The following GREB1L variants were observed in gnomAD, a reference collection of about 807,000 sequenced individuals.
GREB1L encodes the protein GREB1 like retinoic acid receptor coactivator.
In GREB1L, 17 loss-of-function variants were observed where a neutral mutation model predicts 200.8. The ratio of observed to expected loss-of-function variants is 0.08; its 90% CI spans 0.06 to 0.13. The LOEUF is 0.13. GREB1L is among the 10% of genes least tolerant of loss of function. The pLI is 1.00. For synonymous variants in GREB1L, 789 were observed against 893.0 expected (o/e 0.88, Z 2.08); for missense variants, 1,657 against 2,367.7 (o/e 0.70, Z 6.23).
chr18:21,508,866 T>C (rs1239574752), intron 27 of GREB1L, among the ~76,000 whole-genome samples: 1 of 152,182 alleles, frequency 6.6e-6, no homozygotes, highest in Non-Finnish European at 1.5e-5. Flanking sequence ...TTTGGGATTC[T>C]TCCCCATGTA....
chr18:21,406,651 A>G (rs1249063226), intron 7 of GREB1L, among the ~76,000 whole-genome samples: 2 of 152,170 alleles, frequency 1.3e-5, no homozygotes, highest in African/African-American at 4.8e-5. Flanking sequence ...TCACCTTTCT[A>G]TAGGAGATTG....
In GREB1L at chr18:21,414,764, G is replaced by C. The variant is rs542447979; in HGVS notation, c.832+10770G>C. ...ACAAAGGGAGAACACCACGGTTATAGAATCAGTAGCAGATCAGCTCAACAT... is the reference window on the plus strand; with the variant it reads ...ACAAAGGGAGAACACCACGGTTATACAATCAGTAGCAGATCAGCTCAACAT... On this transcript the variant is annotated intron_variant, in intron 7 of 32. Coordinates refer to ENST00000424526, the MANE Select transcript of GREB1L (RefSeq NM_001142966.3). Among the ~76,000 whole-genome samples, 24 of 152,266 alleles carry C rather than the reference G, an allele frequency of 1.6e-4. No homozygotes were observed. In the South Asian group the frequency reaches 2.3e-3, roughly 14 times the overall value.
At chr18:21,306,558 T>C (rs1466950378) in intron 1 of GREB1L, among the ~76,000 whole-genome samples, 1 of 152,144 alleles carries the variant, frequency 6.6e-6, no homozygotes, top group Admixed American at 6.6e-5. Context: ...CAGATAAGAG[T>C]CTGAAATCGT....
Position 21,449,655 on chromosome 18 carries a change from A to C in GREB1L, c.1539A>C (p.Leu513Phe). ...GACAACTCCCCTGGCTTGCTAGATT[A>C]ATTGCCAGCGTATCTCAAGACTTGG... is the stretch of plus-strand genomic sequence containing the variant. ...SPGQLPWLARLIASVSQDLVH... is the reference protein window; with the variant it reads ...SPGQLPWLARFIASVSQDLVH... Residue 513 changes from leucine to phenylalanine, a missense_variant, in exon 12 of 33, where the codon TTA (leucine) becomes TTC (phenylalanine). Coordinates refer to ENST00000424526, the MANE Select transcript of GREB1L (RefSeq NM_001142966.3). 6.4e-7 allele frequency: 1 copy of C among 1,551,674 alleles called. No individual in the cohort carries two copies. Among genetic ancestry groups the C allele is most frequent in the South Asian group, 1.2e-5 (1 of 84,058 alleles).
intron 1 of GREB1L, among the ~76,000 whole-genome samples, chr18:21,260,689 A>AT (rs371509526): frequency 2.0e-5 from 3 of 151,820 alleles, no homozygotes; most frequent in Admixed American, 6.6e-5. Flanking sequence ...AAATAGTTGT[A>AT]TGACTGATTA....
intron 11 of GREB1L, among the ~76,000 whole-genome samples, chr18:21,447,909 A>T (rs1027436913): frequency 3.3e-5 from 5 of 152,064 alleles, no homozygotes; most frequent in Admixed American, 1.3e-4. Flanking sequence ...CACACCTGTA[A>T]TCCCAACACT....
In GREB1L at chr18:21,500,135, C is replaced by T; in HGVS notation, c.3798C>T (p.Ser1266=). The change falls in exon 22 of 33, where the codon AGC becomes AGT. Residue 1266 remains serine (S), a synonymous_variant. Coordinates refer to ENST00000424526, the MANE Select transcript of GREB1L (RefSeq NM_001142966.3). ...CCCACGCCGACGTGGCCTGGGTGAG[C>T]TCCCTGCGGCCACTCCTGAACAAGG... ...LLPHADVAWV[S]SLRPLLNKDM... 1.3e-6 allele frequency: 2 copies of T among 1,551,634 alleles called. No homozygotes were observed. The highest frequency in any genetic ancestry group is 1.2e-5 in the South Asian group (1 of 84,066).
chr18:21,286,250 T>C (rs1244871440), intron 1 of GREB1L, among the ~76,000 whole-genome samples: 3 of 152,166 alleles, frequency 2.0e-5, no homozygotes, highest in Admixed American at 1.3e-4. Flanking sequence ...ATTACCTGTA[T>C]GTGAAGTTGA....
At chr18:21,400,401 A>T (rs1295871923) in intron 5 of GREB1L, among the ~76,000 whole-genome samples, 2 of 152,214 alleles carry the variant, frequency 1.3e-5, no homozygotes, top group Non-Finnish European at 2.9e-5. Context: ...AAGGGGAAAT[A>T]GGAATCTCAT....
intron 4 of GREB1L, among the ~76,000 whole-genome samples, chr18:21,390,385 C>A (rs2040747441): frequency 6.6e-6 from 1 of 152,032 alleles, no homozygotes; most frequent in Non-Finnish European, 1.5e-5. Context: ...AGATGACCCT[C>A]CAAGCATGTT....
intron 2 of GREB1L, among the ~76,000 whole-genome samples, chr18:21,378,836 T>C (rs2040184086): frequency 6.6e-6 from 1 of 152,096 alleles, no homozygotes; most frequent in African/African-American, 2.4e-5. Context: ...TCTGTAATGG[T>C]GAAACTCCAT....
At chr18:21,471,821 A>G (rs891555095) in intron 15 of GREB1L, among the ~76,000 whole-genome samples, 4 of 152,044 alleles carry the variant, frequency 2.6e-5, no homozygotes, top group South Asian at 4.1e-4. Context: ...AGGTCTCACT[A>G]TGTTGCCCAA....
intron 7 of GREB1L, among the ~76,000 whole-genome samples, chr18:21,416,934 G>A (rs2031697952): frequency 6.6e-6 from 1 of 151,992 alleles, no homozygotes; most frequent in Non-Finnish European, 1.5e-5. Context: ...GGCTGAGGCA[G>A]GAGAATCACT....
chr18:21,335,648 T>G (rs1183450277), intron 1 of GREB1L, among the ~76,000 whole-genome samples: 8 of 151,912 alleles, frequency 5.3e-5, no homozygotes, highest in Non-Finnish European at 2.9e-5. Context: ...CTATAATGTG[T>G]TTTGCATTTC....
In GREB1L at chr18:21,497,855, C is replaced by A. The variant is rs529994769; in HGVS notation, c.3391+1157C>A. Among the ~76,000 whole-genome samples the A allele has an allele frequency of 4.6e-3, 489 of 106,520 alleles. 1 individual carries two copies. The highest frequency in any genetic ancestry group is 0.016 in the African/African-American group (451 of 28,028). 69.9% of individuals were successfully genotyped at this position (106,520 alleles called of 152,430 possible). On this transcript the variant is annotated intron_variant, in intron 21 of 32. Coordinates refer to ENST00000424526, the MANE Select transcript of GREB1L (RefSeq NM_001142966.3). Reference sequence around the variant, plus strand: ...TTTTTTTTTGAGATGGAGTTTCGCTCTTGTCCCCCAGGCTAGAGTGCAGTG... The same window carrying A: ...TTTTTTTTTGAGATGGAGTTTCGCTATTGTCCCCCAGGCTAGAGTGCAGTG...
At chr18:21,387,450 G>A (rs2040590656) in intron 4 of GREB1L, 1 of 152,176 alleles carries the variant, frequency 6.6e-6, no homozygotes, top group South Asian at 2.1e-4. Context: ...TTCAGAAAAT[G>A]AAATTATTTC....
At chr18:21,436,057 C>T (rs1433966549) in intron 7 of GREB1L, among the ~76,000 whole-genome samples, 1 of 152,000 alleles carries the variant, frequency 6.6e-6, no homozygotes, top group Admixed American at 6.6e-5. Flanking sequence ...GAAGGGGTCT[C>T]AATAGACATT....
intron 1 of GREB1L, among the ~76,000 whole-genome samples, chr18:21,259,914 CCTT>C (rs2037862825): frequency 6.6e-6 from 1 of 151,072 alleles, no homozygotes; most frequent in African/African-American, 2.4e-5. Flanking sequence ...CAACTCATAT[CCTT>C]TTTTTTTGTC....
chr18:21,481,128 G>A (rs2035897542), intron 17 of GREB1L, among the ~76,000 whole-genome samples: 2 of 152,170 alleles, frequency 1.3e-5, no homozygotes, highest in South Asian at 4.1e-4. Context: ...TGTTCTGGGA[G>A]TTGAAGTGAG....
Sources: gnomAD v4.1 joint callset for allele counts (sites outside exome capture counted in the v4.1 genomes callset) on GRCh38, gnomAD v4.1.1 for gene constraint, MANE v1.5 for transcripts, NCBI Gene and HGNC (gene_info 2026-07-23, HGNC 2026-07-21) for gene names.